The following ANO2 variants were observed in gnomAD, a reference collection of about 807,000 sequenced individuals.
ANO2 encodes anoctamin-2.
A neutral mutation model predicts 124.2 loss-of-function variants in ANO2; 101 were observed. The ratio of observed to expected loss-of-function variants is 0.81; its 90% CI spans 0.69 to 0.96. The LOEUF is 0.96. Ranked by LOEUF, ANO2 falls within the 40% of genes least tolerant of loss-of-function variation. The pLI, the probability that ANO2 is intolerant of heterozygous loss-of-function variation, is 0.00. For missense variants in ANO2, 1,293 were observed against 1,274.5 expected (o/e 1.01, Z -0.22); for synonymous variants, 486 against 482.5 (o/e 1.01, Z -0.09).
chr12:5,744,097 G>T, intron 12 of ANO2, 60 bp downstream of exon 12: 1 of 1,593,728 alleles, frequency 6.3e-7, no homozygotes, highest in Non-Finnish European at 8.6e-7. Context: ...TTTACAGCTT[G>T]GTCACTGTGC....
chr12:5,881,836 G>C (rs1938521939), intron 3 of ANO2: 1 of 152,126 alleles, frequency 6.6e-6, no homozygotes. Context: ...AACACTTTTT[G>C]GTCCATTGTT....
intron 19 of ANO2, among the ~76,000 whole-genome samples, chr12:5,600,159 G>C (rs1943867193): frequency 6.6e-6 from 1 of 152,178 alleles, no homozygotes; most frequent in African/African-American, 2.4e-5. Flanking sequence ...ACTGTATTGG[G>C]AGATATGACT....
At chr12:5,774,573 T>A (rs1232393268) in intron 10 of ANO2, among the ~76,000 whole-genome samples, 1 of 152,210 alleles carries the variant, frequency 6.6e-6, no homozygotes, top group Non-Finnish European at 1.5e-5. Context: ...AAAAGTTTGA[T>A]GAAGAAATGC....
intron 23 of ANO2, among the ~76,000 whole-genome samples, chr12:5,568,422 G>A (rs61908059): frequency 0.099 from 15,084 of 151,952 alleles, 810 homozygotes; most frequent in South Asian, 0.22. Flanking sequence ...TCAAAATGCC[G>A]ATCATGACCC....
chr12:5,837,440 T>C (rs1017071768), intron 4 of ANO2, among the ~76,000 whole-genome samples: 4 of 149,088 alleles, frequency 2.7e-5, no homozygotes, highest in African/African-American at 9.9e-5. Flanking sequence ...ACTCGTCATC[T>C]AGCATTAGGT....
At chr12:5,642,882 T>C (rs1226801114) in intron 15 of ANO2, among the ~76,000 whole-genome samples, 1 of 152,316 alleles carries the variant, frequency 6.6e-6, no homozygotes, top group South Asian at 2.1e-4. Flanking sequence ...TTGGGCTTTT[T>C]CTCTTGCTGT....
chr12:5,658,695 TCAG>T lies in ANO2; in HGVS notation c.1546-10897_1546-10895del, dbSNP rs1947294808. Among the ~76,000 whole-genome samples the T allele has an allele frequency of 6.6e-6, 1 of 151,796 alleles. No individual in the cohort carries two copies. Among genetic ancestry groups the T allele is most frequent in the Non-Finnish European group, 1.5e-5 (1 of 67,994 alleles). On this transcript the variant is annotated intron_variant, in intron 14 of 24. Coordinates refer to ENST00000682330, the MANE Select transcript of ANO2 (RefSeq NM_001364791.2). The surrounding 1 kb of genome is among the most constrained non-coding windows in gnomAD (Gnocchi z 4.3). ...CATCATTATCATCATTAAATCATCA[TCAG>T]CATCAATATTATCATTGTCATCAAT...
At chr12:5,708,169 C>T (rs1949685241) in intron 14 of ANO2, among the ~76,000 whole-genome samples, 1 of 151,788 alleles carries the variant, frequency 6.6e-6, no homozygotes, top group Non-Finnish European at 1.5e-5. Flanking sequence ...AGTGAACGCT[C>T]TCCTGAGTAA....
intron 10 of ANO2, among the ~76,000 whole-genome samples, chr12:5,781,658 T>C (rs1952398536): frequency 6.6e-6 from 1 of 152,244 alleles, no homozygotes; most frequent in Non-Finnish European, 1.5e-5. Flanking sequence ...CTATTGTCTG[T>C]CAAAAAAGAA....
chr12:5,599,502 G>C lies in ANO2; in HGVS notation c.2215C>G (p.Pro739Ala), dbSNP rs1306962612. 2.5e-6 allele frequency: 4 copies of C among 1,609,464 alleles called. No individual in the cohort carries two copies. The highest frequency in any genetic ancestry group is 1.7e-6 in the Non-Finnish European group (2 of 1,178,938). The change falls in exon 20 of 25, where the codon CCG becomes GCG. Residue 739 changes from proline (P) to alanine (A), a missense_variant. Coordinates refer to ENST00000682330, the MANE Select transcript of ANO2 (RefSeq NM_001364791.2). The part of the protein sequence containing the change: ...YSLEPYTGLT[P>A]EYMEMIIQFG... Reference sequence around the variant, plus strand: ...TTCTCACTCATTTCCATGTACTCCGGAGTCAGTCCTGTGTATGGTTCCAAG... The same window carrying C: ...TTCTCACTCATTTCCATGTACTCCGCAGTCAGTCCTGTGTATGGTTCCAAG...
intron 3 of ANO2, chr12:5,856,644 G>A (rs1006752311): frequency 6.6e-6 from 1 of 152,172 alleles, no homozygotes; most frequent in African/African-American, 2.4e-5. Flanking sequence ...CTGGAAGATG[G>A]ACACAGACAT....
chr12:5,610,043 A>T (rs1324952124), intron 19 of ANO2, among the ~76,000 whole-genome samples: 1 of 137,548 alleles, frequency 7.3e-6, no homozygotes, highest in East Asian at 2.0e-4. Flanking sequence ...AGATAAATAT[A>T]AATATATTAT....
intron 10 of ANO2, among the ~76,000 whole-genome samples, chr12:5,783,674 C>T (rs549239715): frequency 6.6e-6 from 1 of 152,322 alleles, no homozygotes; most frequent in East Asian, 1.9e-4. Flanking sequence ...GAAGTCATCA[C>T]TTCTGTTTGG....
At position 5,933,212 on chromosome 12, in the gene ANO2, T is replaced by A. The variant is rs192207496; in HGVS notation, c.23-10408A>T. Among the ~76,000 whole-genome samples the A allele has an allele frequency of 3.6e-3, 543 of 152,350 alleles. 3 individuals carry two copies. The highest frequency in any genetic ancestry group is 6.9e-3 in the Non-Finnish European group (466 of 68,028). ...CCTTCCCACTGTCATCTCCTGCTAG[T>A]GACTCTCCTCTTGTGCACACACAGC... On this transcript the variant is annotated intron_variant, in intron 1 of 24. Coordinates refer to ENST00000682330, the MANE Select transcript of ANO2 (RefSeq NM_001364791.2).
At chr12:5,742,065 A>G (rs1951111934) in intron 12 of ANO2, among the ~76,000 whole-genome samples, 1 of 152,074 alleles carries the variant, frequency 6.6e-6, no homozygotes, top group African/African-American at 2.4e-5. Context: ...AGTCCGACCT[A>G]CAGGTGAGCC....
At chr12:5,601,229 T>G (rs762105854) in intron 19 of ANO2, among the ~76,000 whole-genome samples, 7 of 152,144 alleles carry the variant, frequency 4.6e-5, no homozygotes, top group Non-Finnish European at 5.9e-5. Context: ...ATTTAGGGCT[T>G]GATACATGTT....
At chr12:5,687,670 C>T (rs969727607) in intron 14 of ANO2, among the ~76,000 whole-genome samples, 10 of 152,200 alleles carry the variant, frequency 6.6e-5, no homozygotes, top group African/African-American at 2.4e-4. Context: ...CACAAATACC[C>T]AACATCTGTG....
In ANO2 at chr12:5,601,119, C is replaced by T. The variant is rs74056033; in HGVS notation, c.2088-1490G>A. ...CTATATGTCCATGGGCAAGTTATTACAACTCTATAAGCTTTAGTTTTCTTA... is the reference window on the plus strand; with the variant it reads ...CTATATGTCCATGGGCAAGTTATTATAACTCTATAAGCTTTAGTTTTCTTA... On this transcript the variant is annotated intron_variant, in intron 19 of 24. Transcript: ENST00000682330. Among the ~76,000 whole-genome samples, 723 of 152,210 alleles carry T rather than the reference C, an allele frequency of 4.8e-3. 5 individuals carry two copies. Among genetic ancestry groups the T allele is most frequent in the African/African-American group, 0.015 (643 of 41,536 alleles).
intron 7 of ANO2, among the ~76,000 whole-genome samples, chr12:5,820,315 G>T (rs1282119560): frequency 6.6e-6 from 1 of 152,126 alleles, no homozygotes; most frequent in Non-Finnish European, 1.5e-5. Flanking sequence ...AGATTTTTGG[G>T]GACTACTGGT....
Sources: gnomAD v4.1 joint callset for allele counts (sites outside exome capture counted in the v4.1 genomes callset) on GRCh38, gnomAD v4.1.1 for gene constraint, Gnocchi (gnomAD v3.1) non-coding constraint, MANE v1.5 for transcripts, NCBI Gene and HGNC (gene_info 2026-07-23, HGNC 2026-07-21) for gene names.